The following DPYD variants were observed in gnomAD, a reference collection of about 807,000 sequenced individuals.
DPYD encodes the protein dihydropyrimidine dehydrogenase [NADP(+)].
DPYD carries 109 observed loss-of-function variants against 116.2 expected under a neutral mutation model. The ratio of observed to expected loss-of-function variants is 0.94; its 90% CI spans 0.80 to 1.10. The LOEUF (loss-of-function observed/expected upper bound fraction) is 1.10. DPYD is among the 50% of genes least tolerant of loss of function. DPYD has a pLI of 0.00. For missense variants in DPYD, 1,302 were observed against 1,254.5 expected, an observed-to-expected ratio of 1.04 and a Z score of -0.57; for synonymous variants, 440 against 432.0, an observed-to-expected ratio of 1.02 and a Z score of -0.23.
chr1:97,164,460 C>T (rs1057129690), intron 20 of DPYD, among the ~76,000 whole-genome samples: 1 of 151,994 alleles, frequency 6.6e-6, no homozygotes, highest in African/African-American at 2.4e-5. Context: ...TACTGGGCAC[C>T]CAGATGGGAA....
At chr1:97,542,023 T>C (rs956984795) in intron 12 of DPYD, among the ~76,000 whole-genome samples, 2 of 152,184 alleles carry the variant, frequency 1.3e-5, no homozygotes, top group African/African-American at 4.8e-5. Flanking sequence ...AGGGAATTTC[T>C]GACAAACTGG....
At chr1:97,313,693 C>T (rs776473713) in intron 16 of DPYD, among the ~76,000 whole-genome samples, 3 of 151,848 alleles carry the variant, frequency 2.0e-5, no homozygotes, top group Non-Finnish European at 2.9e-5. Flanking sequence ...CACCCTTCAA[C>T]GCAGCCCTCC....
At position 97,462,666 on chromosome 1, in the gene DPYD, G is replaced by A. The variant is rs572356141; in HGVS notation, c.1741-12443C>T. On this transcript the variant is annotated intron_variant, in intron 13 of 22. Coordinates refer to ENST00000370192, the MANE Select transcript of DPYD (RefSeq NM_000110.4). ...CAAATTCCAGCCTCACTCTAGTACA[G>A]CATCACATAACAGGCTCTGAAAGGA... 2.6e-5 allele frequency among the ~76,000 whole-genome samples: 4 copies of A among 152,246 alleles called. No homozygotes were observed. The South Asian group carries it at 8.3e-4, about 32-fold the overall frequency.
At chr1:97,217,250 T>C (rs773079609) in intron 19 of DPYD, among the ~76,000 whole-genome samples, 9 of 152,070 alleles carry the variant, frequency 5.9e-5, no homozygotes, top group African/African-American at 2.2e-4. Context: ...TAATTGATAA[T>C]AATTATTCTA....
chr1:97,249,838 G>T (rs1444747699), intron 18 of DPYD, among the ~76,000 whole-genome samples: 4 of 152,044 alleles, frequency 2.6e-5, no homozygotes, highest in Admixed American at 6.5e-5. Flanking sequence ...TCCACATCAG[G>T]GAACTCGAAA....
intron 16 of DPYD, chr1:97,322,714 G>A (rs1668370622): frequency 6.6e-6 from 1 of 151,932 alleles, no homozygotes; most frequent in Non-Finnish European, 1.5e-5. Context: ...CAGGTGTCAA[G>A]GAAAGGAAAC....
At chr1:97,079,765 C>A (rs972197372) in intron 22 of DPYD, among the ~76,000 whole-genome samples, 2 of 152,030 alleles carry the variant, frequency 1.3e-5, no homozygotes, top group African/African-American at 2.4e-5. Flanking sequence ...CAGTCCTGGC[C>A]CTGACACTAT....
chr1:97,827,036 A>G (rs1669274254), intron 3 of DPYD, among the ~76,000 whole-genome samples: 1 of 152,106 alleles, frequency 6.6e-6, no homozygotes, highest in South Asian at 2.1e-4. Flanking sequence ...GTGGCTTCAA[A>G]ATGAGGGCAG....
At chr1:97,367,144 G>T (rs1347418167) in intron 16 of DPYD, among the ~76,000 whole-genome samples, 2 of 152,058 alleles carry the variant, frequency 1.3e-5, no homozygotes, top group Non-Finnish European at 2.9e-5. Flanking sequence ...GGGCACTGTG[G>T]TCCTCACACT....
rs145920033 is a variant in DPYD at position 97,588,904 on chromosome 1, C to A, written c.1128+4314G>T. On this transcript the variant is annotated intron_variant, in intron 10 of 22. Transcript: ENST00000370192. ...AGCCAAGATGGAAAGTACCTCCACA[C>A]AGCACACTGTTTGTGACTCTAATTA... 2.5e-3 allele frequency among the ~76,000 whole-genome samples: 379 copies of A among 152,310 alleles called. 2 individuals carry two copies. The highest frequency in any genetic ancestry group is 8.6e-3 in the African/African-American group (357 of 41,560).
chr1:97,358,882 T>A (rs942303135), intron 16 of DPYD, among the ~76,000 whole-genome samples: 16 of 152,186 alleles, frequency 1.1e-4, no homozygotes, highest in Admixed American at 7.9e-4. Flanking sequence ...CTGAAAATTC[T>A]AAAAATCAGA....
chr1:97,556,064 T>C (rs928113525), intron 11 of DPYD, among the ~76,000 whole-genome samples: 2 of 152,166 alleles, frequency 1.3e-5, no homozygotes, highest in Non-Finnish European at 2.9e-5. Context: ...GAGCCTGAAA[T>C]AGGGTGAGGT....
intron 20 of DPYD, among the ~76,000 whole-genome samples, chr1:97,156,198 G>A (rs1655440354): frequency 6.6e-6 from 1 of 152,024 alleles, no homozygotes; most frequent in African/African-American, 2.4e-5. Context: ...TTGGATTAGA[G>A]AATCTCACTT....
At chr1:97,167,691 T>G (rs1656428684) in intron 20 of DPYD, among the ~76,000 whole-genome samples, 2 of 152,196 alleles carry the variant, frequency 1.3e-5, no homozygotes, top group Admixed American at 1.3e-4. Context: ...ATTGTTGATT[T>G]TCATGTGAGT....
At chr1:97,894,148 T>C (rs1672929066) in intron 1 of DPYD, among the ~76,000 whole-genome samples, 1 of 151,738 alleles carries the variant, frequency 6.6e-6, no homozygotes, top group Non-Finnish European at 1.5e-5. Context: ...TAAGAATCCT[T>C]TTCCCTCTTC....
intron 15 of DPYD, among the ~76,000 whole-genome samples, chr1:97,379,651 T>C (rs1316919512): frequency 6.6e-6 from 1 of 152,166 alleles, no homozygotes; most frequent in Non-Finnish European, 1.5e-5. Flanking sequence ...GGCCTTCCCC[T>C]ACAATTCTGG....
chr1:97,290,985 T>G (rs575806947), intron 18 of DPYD, among the ~76,000 whole-genome samples: 1 of 151,754 alleles, frequency 6.6e-6, no homozygotes, highest in East Asian at 1.9e-4. Flanking sequence ...CAAACAAATT[T>G]ACAAGAAAAA....
At chr1:97,462,758 C>T (rs1478860401) in intron 13 of DPYD, among the ~76,000 whole-genome samples, 1 of 152,330 alleles carries the variant, frequency 6.6e-6, no homozygotes, top group East Asian at 1.9e-4. Context: ...AAAGTTGTCT[C>T]TTGTGGGGAA....
chr1:97,586,592 T>C (rs1202375135), intron 10 of DPYD, among the ~76,000 whole-genome samples: 1 of 148,260 alleles, frequency 6.7e-6, no homozygotes, highest in Non-Finnish European at 1.5e-5. Flanking sequence ...TCCTCAGATA[T>C]TCCTGGTCAA....
Sources: allele counts gnomAD v4.1 joint callset (sites outside exome capture counted in the v4.1 genomes callset), GRCh38; gene constraint gnomAD v4.1.1; transcripts MANE v1.5; gene names NCBI Gene and HGNC (gene_info 2026-07-23, HGNC 2026-07-21).